CNTNAP2: variants seen among roughly 807,000 people sequenced by gnomAD.
CNTNAP2 encodes the protein contactin associated protein 2.
CNTNAP2 carries 98 observed loss-of-function variants against 155.2 expected under a neutral mutation model. The ratio of observed to expected loss-of-function variants is 0.63; its 90% CI spans 0.54 to 0.75. CNTNAP2 has a LOEUF of 0.75. CNTNAP2 is among the 30% of genes least tolerant of loss of function. CNTNAP2 has a pLI of 0.00. For missense variants in CNTNAP2, 1,727 were observed against 1,688.1 expected, an observed-to-expected ratio of 1.02 and a Z score of -0.40; for synonymous variants, 651 against 631.2, an observed-to-expected ratio of 1.03 and a Z score of -0.47.
At chr7:147,593,936 C>T (rs1020041406) in intron 12 of CNTNAP2, among the ~76,000 whole-genome samples, 16 of 152,048 alleles carry the variant, frequency 1.1e-4, no homozygotes, top group African/African-American at 3.9e-4. Flanking sequence ...TGTGTAGTAA[C>T]CCATTTATTC....
At chr7:147,985,229 C>T (rs1197184187) in intron 15 of CNTNAP2, among the ~76,000 whole-genome samples, 3 of 151,924 alleles carry the variant, frequency 2.0e-5, no homozygotes, top group African/African-American at 7.3e-5. Context: ...CTTCTCTCCA[C>T]TCCCATAATC....
chr7:146,233,109 T>C (rs1279161720), intron 1 of CNTNAP2, among the ~76,000 whole-genome samples: 2 of 152,030 alleles, frequency 1.3e-5, no homozygotes, highest in African/African-American at 4.8e-5. Flanking sequence ...ATCAAATGAG[T>C]AATAAAGTGT....
At chr7:148,175,057 T>C (rs759454352) in intron 18 of CNTNAP2, among the ~76,000 whole-genome samples, 4 of 152,184 alleles carry the variant, frequency 2.6e-5, no homozygotes, top group Admixed American at 2.0e-4. Context: ...GGCCTGTAGC[T>C]TCATCCATGA....
chr7:146,364,939 G>A (rs763379570), intron 1 of CNTNAP2, among the ~76,000 whole-genome samples: 13 of 151,534 alleles, frequency 8.6e-5, no homozygotes, highest in African/African-American at 2.2e-4. Flanking sequence ...CAATGTAATC[G>A]TTTTTTAATC....
chr7:147,198,232 C>CTT lies in CNTNAP2; in HGVS notation c.1348+65743_1348+65744dup, dbSNP rs71525992. On this transcript the variant is annotated intron_variant, in intron 8 of 23. Coordinates refer to ENST00000361727, the MANE Select transcript of CNTNAP2 (RefSeq NM_014141.6). ...GCCAGCATAGTTGGTTTCCAATATC[C>CTT]TTTTTTTTTTTTTTTTTTTTTGAGA... Among the ~76,000 whole-genome samples, 562 of 113,044 alleles carry CTT rather than the reference C, an allele frequency of 5.0e-3. 20 individuals carry two copies. Among genetic ancestry groups the CTT allele is most frequent in the African/African-American group, 0.016 (505 of 31,204 alleles). 74.2% of individuals were successfully genotyped at this position (113,044 alleles called of 152,430 possible). A position where few individuals can be genotyped will look rare whatever the true frequency, so the allele number is the denominator to read the frequency against.
intron 17 of CNTNAP2, among the ~76,000 whole-genome samples, chr7:148,159,348 G>A (rs1039091513): frequency 4.6e-5 from 7 of 152,084 alleles, no homozygotes; most frequent in African/African-American, 1.7e-4. Flanking sequence ...TTTGTTCAAA[G>A]TATACATATC....
At chr7:147,041,123 CAAG>C (rs2129254168) in intron 3 of CNTNAP2, among the ~76,000 whole-genome samples, 1 of 152,222 alleles carries the variant, frequency 6.6e-6, no homozygotes, top group East Asian at 1.9e-4. Context: ...TTCTTAACAA[CAAG>C]AACAACAACA....
At chr7:146,776,436 A>G (rs1194276121) in intron 2 of CNTNAP2, among the ~76,000 whole-genome samples, 1 of 152,244 alleles carries the variant, frequency 6.6e-6, no homozygotes, top group East Asian at 1.9e-4. Context: ...GAAAATTGAA[A>G]GTGCACAATA....
chr7:147,865,029 T>G (rs1220248478), intron 13 of CNTNAP2, among the ~76,000 whole-genome samples: 1 of 152,154 alleles, frequency 6.6e-6, no homozygotes, highest in Admixed American at 6.5e-5. Flanking sequence ...ATGCTTCCAG[T>G]TTTTGCCCAT....
chr7:146,557,234 C>T (rs1285857803), intron 1 of CNTNAP2, among the ~76,000 whole-genome samples: 1 of 151,946 alleles, frequency 6.6e-6, no homozygotes, highest in Non-Finnish European at 1.5e-5. Flanking sequence ...GGCAAAGAAA[C>T]TATGGAGAGG....
intron 21 of CNTNAP2, among the ~76,000 whole-genome samples, chr7:148,282,851 AT>A (rs1305867093): frequency 6.6e-6 from 1 of 152,068 alleles, no homozygotes; most frequent in African/African-American, 2.4e-5. Flanking sequence ...CAAAACACTT[AT>A]TTCTGTCCCA....
Position 147,977,918 on chromosome 7 carries a change from T to A in CNTNAP2, c.2312T>A (p.Val771Glu). The change falls in exon 15 of 24, where the codon GTG becomes GAG. Residue 771 changes from valine to glutamate, a missense_variant. Physicochemically the swap from Val to Glu is moderately radical, Grantham distance 121. Coordinates refer to ENST00000361727, the MANE Select transcript of CNTNAP2 (RefSeq NM_014141.6). ...GATCACCTGCCAGTGAGCCAAGTGG[T>A]GGTTGGAGATACTGACCGTCAAGGC... is the stretch of plus-strand genomic sequence containing the variant. Reference protein sequence around the residue: ...YKDHLPVSQVVVGDTDRQGSE... With the variant: ...YKDHLPVSQVEVGDTDRQGSE... 1.2e-6 allele frequency: 2 copies of A among 1,614,094 alleles called. No individual in the cohort carries two copies. The highest frequency in any genetic ancestry group is 4.5e-5 in the East Asian group (2 of 44,864).
intron 15 of CNTNAP2, among the ~76,000 whole-genome samples, chr7:148,088,653 G>T (rs1803782114): frequency 6.6e-6 from 1 of 151,686 alleles, no homozygotes; most frequent in South Asian, 2.1e-4. Context: ...TAATGAGTGA[G>T]GAAATTAAAT....
chr7:146,652,437 G>A lies in CNTNAP2; in HGVS notation c.98-121834G>A, dbSNP rs147713738. 8.6e-3 allele frequency among the ~76,000 whole-genome samples: 1,305 copies of A among 152,226 alleles called. 15 individuals carry two copies. The highest frequency in any genetic ancestry group is 0.031 in the Middle Eastern group (9 of 294). Reference sequence around the variant, plus strand: ...AACTGCTTTCAGAATTGCTTAATGTGTAAATTCCTCTGAAACTTTGAACAA... The same window carrying A: ...AACTGCTTTCAGAATTGCTTAATGTATAAATTCCTCTGAAACTTTGAACAA... On this transcript the variant is annotated intron_variant, in intron 1 of 23. Transcript: ENST00000361727.
chr7:148,175,956 T>C (rs1273017259), intron 18 of CNTNAP2, among the ~76,000 whole-genome samples: 1 of 152,118 alleles, frequency 6.6e-6, no homozygotes, highest in Non-Finnish European at 1.5e-5. Context: ...TGTCTCTCCA[T>C]ATTCCATACC....
chr7:147,726,974 G>C (rs1796653689), intron 13 of CNTNAP2, among the ~76,000 whole-genome samples: 1 of 151,672 alleles, frequency 6.6e-6, no homozygotes, highest in Admixed American at 6.6e-5. Context: ...CTGTTTCACT[G>C]TTACAGTAAT....
intron 1 of CNTNAP2, among the ~76,000 whole-genome samples, chr7:146,368,714 T>C (rs2129102312): frequency 6.6e-6 from 1 of 152,166 alleles, no homozygotes; most frequent in African/African-American, 2.4e-5. Flanking sequence ...ACAAAGTCAT[T>C]TCCTATCCCC....
chr7:147,932,214 A>T (rs2116800333), intron 14 of CNTNAP2, among the ~76,000 whole-genome samples: 1 of 152,318 alleles, frequency 6.6e-6, no homozygotes, highest in Admixed American at 6.5e-5. Context: ...TAGAAAAAAC[A>T]ATTCCAAAAC....
chr7:147,895,778 T>G (rs1161902120), intron 13 of CNTNAP2, among the ~76,000 whole-genome samples: 1 of 152,218 alleles, frequency 6.6e-6, no homozygotes, highest in African/African-American at 2.4e-5. Flanking sequence ...AGGGAATTCT[T>G]TGCTCAAAAT....
Sources: gnomAD v4.1 joint callset for allele counts (sites outside exome capture counted in the v4.1 genomes callset) on GRCh38, gnomAD v4.1.1 for gene constraint, MANE v1.5 for transcripts, NCBI Gene and HGNC (gene_info 2026-07-23, HGNC 2026-07-21) for gene names.